The following RRBP1 variants were observed in gnomAD, a reference collection of about 807,000 sequenced individuals.
RRBP1 encodes the protein ribosome binding protein 1, also known as ribosome-binding protein 1.
Under a neutral mutation model 165.2 loss-of-function variants are expected in RRBP1, and 94 were observed. That is an observed-to-expected ratio of 0.57 (90% CI 0.48 to 0.68). RRBP1 has a LOEUF of 0.68. RRBP1 is among the 30% of genes least tolerant of loss of function. RRBP1 has a pLI of 0.00. For missense variants in RRBP1, 1,676 were observed against 1,763.0 expected (o/e 0.95, Z 0.88); for synonymous variants, 680 against 714.5 (o/e 0.95, Z 0.77).
At position 17,633,497 on chromosome 20, in the gene RRBP1, T is replaced by C. The variant is rs1272496736; in HGVS notation, c.2573A>G (p.Lys858Arg). ...GACCTGCTTCTCGAAGGCAGCTGCC[T>C]TGGCTTCCAGAGCTTTCCGCTGCTG... ...DEQQRKALEAKAAAFEKQVLQ... is the reference protein window; with the variant it reads ...DEQQRKALEARAAAFEKQVLQ... The change falls in exon 8 of 25, where the codon AAG becomes AGG. Residue 858 changes from lysine (K) to arginine (R), a missense_variant. Around this residue, in one of 5 missense-constraint regions of RRBP1, gnomAD observed 1,184 missense variants for 1,167.1 expected, o/e 1.01. Transcript: ENST00000377813. The C allele has an allele frequency of 6.2e-7, 1 of 1,613,976 alleles. No homozygotes were observed. Among genetic ancestry groups the C allele is most frequent in the Non-Finnish European group, 8.5e-7 (1 of 1,180,016 alleles).
intron 19 of RRBP1, chr20:17,619,427 G>A: frequency 2.1e-6 from 1 of 467,598 alleles, no homozygotes; most frequent in Non-Finnish European, 3.8e-6. Context: ...CTGGCTGGGA[G>A]GCTGCCTTTT....
intron 3 of RRBP1, among the ~76,000 whole-genome samples, chr20:17,649,629 C>T (rs1432082366): frequency 6.6e-6 from 1 of 151,988 alleles, no homozygotes; most frequent in Non-Finnish European, 1.5e-5. Flanking sequence ...GGGGTGTTCC[C>T]ATCACGAAGT....
chr20:17,678,522 T>C (rs1386463832), intron 2 of RRBP1, among the ~76,000 whole-genome samples: 1 of 152,158 alleles, frequency 6.6e-6, no homozygotes, highest in South Asian at 2.1e-4. Context: ...AGTCAACTGG[T>C]TTTGACCTAC....
intron 8 of RRBP1, among the ~76,000 whole-genome samples, chr20:17,631,791 G>A (rs537033103): frequency 6.6e-6 from 1 of 152,326 alleles, no homozygotes; most frequent in East Asian, 1.9e-4. Flanking sequence ...GGCCACCCCC[G>A]CCCTCATTCC....
chr20:17,616,942 G>A, intron 20 of RRBP1, 103 bp from the exon 21 acceptor site: 2 of 940,494 alleles, frequency 2.1e-6, no homozygotes. Context: ...GCTCTCAACA[G>A]CCAAAGTCCC....
Position 17,643,532 on chromosome 20 carries a change from C to T in RRBP1, c.1913-405G>A, listed in dbSNP as rs1051442489. Among the ~76,000 whole-genome samples the T allele has an allele frequency of 4.6e-5, 7 of 152,124 alleles. No homozygotes were observed. Among genetic ancestry groups the T allele is most frequent in the Non-Finnish European group, 5.9e-5 (4 of 68,018 alleles). On this transcript the variant is annotated intron_variant, in intron 3 of 24. Coordinates refer to ENST00000377813, the MANE Select transcript of RRBP1 (RefSeq NM_001365613.2). The surrounding 1 kb of genome is among the most constrained non-coding windows in gnomAD (Gnocchi z 4.3). ...CTGCATGGCTCACCATGGTTCTCCC[C>T]ACTGGCTGTGACTGAGCCCCGTGGC...
At chr20:17,620,205 T>A (rs571395113) in intron 18 of RRBP1, 94 bp downstream of exon 18, 2 of 911,542 alleles carry the variant, frequency 2.2e-6, no homozygotes. Flanking sequence ...ACACGGTCCA[T>A]GAGGAAGAAA....
intron 7 of RRBP1, among the ~76,000 whole-genome samples, chr20:17,634,284 GA>G (rs1046938791): frequency 1.3e-5 from 2 of 152,340 alleles, no homozygotes; most frequent in African/African-American, 4.8e-5. Context: ...CACCAGACGA[GA>G]CTGTCCCAAA....
chr20:17,625,433 T>C, intron 12 of RRBP1, 79 bp downstream of exon 12: 12 of 1,238,098 alleles, frequency 9.7e-6, no homozygotes, highest in Non-Finnish European at 1.3e-5. Flanking sequence ...CCAGGGCGGG[T>C]GCCACATAGC....
intron 2 of RRBP1, among the ~76,000 whole-genome samples, chr20:17,666,178 G>C (rs1013070327): frequency 6.6e-6 from 1 of 152,174 alleles, no homozygotes; most frequent in African/African-American, 2.4e-5. Flanking sequence ...ATCTGTCAAT[G>C]AATATGGTAT....
At chr20:17,616,878 G>A (rs1323584651) in intron 20 of RRBP1, 39 bp from the exon 21 acceptor site, 2 of 1,467,732 alleles carry the variant, frequency 1.4e-6, no homozygotes, top group African/African-American at 2.8e-5. Flanking sequence ...TGCACAGCCA[G>A]TCGCACACCC....
At position 17,625,675 on chromosome 20, in the gene RRBP1, C is replaced by T. The variant is rs529493726; in HGVS notation, c.2964-73G>A. ...CCCCTACAGATCCCACCTGAGGCCC[C>T]ATCCAGGGAGGAGTACCTTCGAGGC... On this transcript the variant is annotated intron_variant, in intron 11 of 24. Transcript: ENST00000377813. 67 of 1,273,926 alleles carry T rather than the reference C, an allele frequency of 5.3e-5. No individual in the cohort carries two copies. In the South Asian group the frequency reaches 7.8e-4, roughly 15 times the overall value. 78.9% of individuals were successfully genotyped at this position (1,273,926 alleles called of 1,614,324 possible). A position where few individuals can be genotyped will look rare whatever the true frequency, so the allele number is the denominator to read the frequency against.
At chr20:17,650,877 C>T (rs1017594488) in intron 3 of RRBP1, among the ~76,000 whole-genome samples, 4 of 152,214 alleles carry the variant, frequency 2.6e-5, no homozygotes, top group African/African-American at 9.7e-5. Flanking sequence ...AAGACTCAAT[C>T]TGAGGATAAA....
intron 2 of RRBP1, among the ~76,000 whole-genome samples, chr20:17,668,473 G>A (rs750130547): frequency 1.3e-5 from 2 of 152,192 alleles, no homozygotes; most frequent in Non-Finnish European, 2.9e-5. Context: ...CCTCTAATGA[G>A]CTGTTTTATC....
chr20:17,639,103 C>T (rs1462705939), intron 5 of RRBP1, among the ~76,000 whole-genome samples: 2 of 152,216 alleles, frequency 1.3e-5, no homozygotes, highest in African/African-American at 4.8e-5. Context: ...TTCTGGTGCC[C>T]AGGAACATGA....
In RRBP1 at chr20:17,627,596, C is replaced by T. The variant is rs748951920; in HGVS notation, c.2836G>A (p.Ala946Thr). The T allele has an allele frequency of 1.4e-5, 22 of 1,613,452 alleles. No individual in the cohort carries two copies. In the East Asian group the frequency reaches 4.7e-4, roughly 34 times the overall value. The change falls in exon 10 of 25, where the codon GCC becomes ACC. Residue 946 changes from alanine to threonine, a missense_variant. This residue lies in a region of RRBP1 where 1,184 missense variants were observed against 1,167.1 expected (regional missense o/e 1.01). Coordinates refer to ENST00000377813, the MANE Select transcript of RRBP1 (RefSeq NM_001365613.2). ...GTGAGCTGGGAGTTCTCCGCCCTGG[C>T]CTCCTGGAGCTGCCCGTGGAGGCCA... ...LSGLHGQLQEARAENSQLTER... is the reference protein window; with the variant it reads ...LSGLHGQLQETRAENSQLTER...
intron 1 of RRBP1, 97 bp from the exon 2 acceptor site, chr20:17,680,172 G>T (rs1206391819): frequency 6.6e-6 from 1 of 152,258 alleles, no homozygotes; most frequent in Non-Finnish European, 1.5e-5. Context: ...ATGCTGCAGG[G>T]TCACAGATTT....
chr20:17,660,396 A>G lies in RRBP1; in HGVS notation c.112T>C (p.Tyr38His). 6.2e-7 allele frequency: 1 copy of G among 1,614,070 alleles called. No homozygotes were observed. Among genetic ancestry groups the G allele is most frequent in the South Asian group, 1.1e-5 (1 of 91,082 alleles). The change falls in exon 3 of 25, where the codon TAT becomes CAT. Residue 38 changes from tyrosine to histidine, a missense_variant. Around this residue, in one of 5 missense-constraint regions of RRBP1, gnomAD observed 392 missense variants for 382.5 expected, o/e 1.02. Transcript: ENST00000377813. ...VSTFSMKETS[Y>H]EEALANQRKE... ...CGCTGGTTGGCTAGGGCTTCTTCAT[A>G]TGACGTTTCCTTCATGGAGAAAGTC...
At chr20:17,663,923 C>T (rs985459917) in intron 2 of RRBP1, among the ~76,000 whole-genome samples, 1 of 152,190 alleles carries the variant, frequency 6.6e-6, no homozygotes, top group Non-Finnish European at 1.5e-5. Context: ...CTGTCAAATA[C>T]GTACTTTTAC....
Sources: allele counts gnomAD v4.1 joint callset (sites outside exome capture counted in the v4.1 genomes callset), GRCh38; gene constraint gnomAD v4.1.1; regional missense constraint gnomAD v4.1.1; non-coding constraint Gnocchi (gnomAD v3.1); transcripts MANE v1.5; gene names NCBI Gene and HGNC (gene_info 2026-07-23, HGNC 2026-07-21).